The following PTH2R variants were observed in gnomAD, a reference collection of about 807,000 sequenced individuals.
The protein encoded by PTH2R is PTH2 receptor.
Under a neutral mutation model 60.3 loss-of-function variants are expected in PTH2R, and 59 were observed. The observed-to-expected ratio is 0.98, with a 90% CI of 0.79 to 1.22. The LOEUF is 1.22. Ranked by LOEUF, PTH2R falls within the 50% of genes most tolerant of loss-of-function variation. The pLI is 0.00. For synonymous variants in PTH2R, 256 were observed against 243.8 expected (o/e 1.05, Z -0.47); for missense variants, 749 against 682.6 (o/e 1.10, Z -1.08).
At chr2:208,436,831 CT>C (rs1452560847) in intron 2 of PTH2R, among the ~76,000 whole-genome samples, 3 of 151,802 alleles carry the variant, frequency 2.0e-5, no homozygotes, top group Admixed American at 6.6e-5. Context: ...TTCTTGAGAA[CT>C]ACAAAAAAAA....
chr2:208,371,280 G>A (rs1199466499), intron 1 of PTH2R, among the ~76,000 whole-genome samples: 2 of 152,136 alleles, frequency 1.3e-5, no homozygotes, highest in African/African-American at 2.4e-5. Flanking sequence ...TTATCTGACC[G>A]AAAGCAGACC....
intron 10 of PTH2R, among the ~76,000 whole-genome samples, chr2:208,482,879 G>C (rs138712837): frequency 7.9e-4 from 121 of 152,220 alleles, no homozygotes; most frequent in African/African-American, 2.9e-3. Flanking sequence ...TGCTTTTCTG[G>C]GATAGGAATC....
At chr2:208,430,129 A>C (rs879930517) in intron 2 of PTH2R, among the ~76,000 whole-genome samples, 7 of 152,100 alleles carry the variant, frequency 4.6e-5, no homozygotes, top group Admixed American at 1.3e-4. Flanking sequence ...TTATCCTAGA[A>C]ATTTTTCACA....
intron 1 of PTH2R, among the ~76,000 whole-genome samples, chr2:208,416,867 A>G (rs1701651498): frequency 6.6e-6 from 1 of 152,140 alleles, no homozygotes; most frequent in Admixed American, 6.5e-5. Context: ...CAAGTTCTTC[A>G]GTTTTGGAAC....
intron 1 of PTH2R, 130 bp from the exon 2 acceptor site, chr2:208,428,071 A>G: frequency 1.5e-6 from 1 of 651,580 alleles, no homozygotes; most frequent in East Asian, 2.8e-5. Flanking sequence ...TTTGATTCAG[A>G]TAAAGGACTA....
chr2:208,394,312 CA>C (rs1182339108), intron 1 of PTH2R, among the ~76,000 whole-genome samples: 5 of 152,218 alleles, frequency 3.3e-5, no homozygotes, highest in Non-Finnish European at 7.3e-5. Context: ...AAATATACCC[CA>C]GGGGGGTGCA....
intron 1 of PTH2R, among the ~76,000 whole-genome samples, chr2:208,367,595 C>T (rs1419912501): frequency 4.6e-5 from 7 of 152,092 alleles, no homozygotes; most frequent in African/African-American, 7.2e-5. Flanking sequence ...ATCTTGAACT[C>T]CTGACCTCAG....
At chr2:208,480,387 C>G (rs1280148185) in intron 9 of PTH2R, among the ~76,000 whole-genome samples, 1 of 152,238 alleles carries the variant, frequency 6.6e-6, no homozygotes, top group East Asian at 1.9e-4. Flanking sequence ...TGACCCCAGA[C>G]CTGGAGACAT....
intron 9 of PTH2R, chr2:208,466,538 C>T (rs947257924): frequency 2.0e-5 from 3 of 152,138 alleles, no homozygotes; most frequent in African/African-American, 7.2e-5. Context: ...GTTTCTTCAC[C>T]CCTCCAGTAG....
intron 9 of PTH2R, among the ~76,000 whole-genome samples, chr2:208,477,953 C>CACTACTACTAGTACTAGTACTACTACT (rs1703052443): frequency 3.4e-5 from 1 of 29,828 alleles, no homozygotes; most frequent in South Asian, 1.2e-3. Flanking sequence ...GTAGTACTAG[C>CACTACTACTAGTACTAGTACTACTACT]ACTACTACTA....
intron 1 of PTH2R, among the ~76,000 whole-genome samples, chr2:208,420,727 T>C (rs1701737569): frequency 6.6e-6 from 1 of 152,216 alleles, no homozygotes; most frequent in Non-Finnish European, 1.5e-5. Flanking sequence ...CTTTCATTAC[T>C]GTAGTACAAT....
At chr2:208,429,076 C>T (rs1373388254) in intron 2 of PTH2R, among the ~76,000 whole-genome samples, 1 of 95,850 alleles carries the variant, frequency 1.0e-5, no homozygotes, top group Non-Finnish European at 2.1e-5. Context: ...CAGAGCGACT[C>T]TCTGTCTCAA....
intron 2 of PTH2R, 84 bp from the exon 3 acceptor site, chr2:208,437,453 A>G: frequency 9.1e-7 from 1 of 1,104,594 alleles, no homozygotes; most frequent in Non-Finnish European, 1.3e-6. Context: ...AATGACCTAA[A>G]ATTTTGTTTT....
At chr2:208,426,848 G>C (rs1046938870) in intron 1 of PTH2R, among the ~76,000 whole-genome samples, 8 of 152,158 alleles carry the variant, frequency 5.3e-5, no homozygotes, top group Non-Finnish European at 1.2e-4. Context: ...CTTCATAGCA[G>C]TGTGAGAATG....
intron 1 of PTH2R, among the ~76,000 whole-genome samples, chr2:208,370,231 C>T (rs1021518316): frequency 3.3e-5 from 5 of 151,882 alleles, no homozygotes; most frequent in African/African-American, 1.2e-4. Context: ...ATCATGAGGT[C>T]AGGGGATCGA....
chr2:208,371,854 CCTTA>C (rs71412495), intron 1 of PTH2R, among the ~76,000 whole-genome samples: 2,725 of 152,172 alleles, frequency 0.018, 31 homozygotes, highest in Middle Eastern at 0.031. Context: ...TCCAAACTTT[CCTTA>C]CTTGTTTCCT....
In PTH2R at chr2:208,493,328, C is replaced by T. The variant is rs1353733611; in HGVS notation, c.1322C>T (p.Pro441Leu). The change falls in exon 13 of 13, where the codon CCG becomes CTG. Residue 441 changes from proline (P) to leucine (L), a missense_variant. Physicochemically the swap from Pro to Leu is moderately conservative, Grantham distance 98. Coordinates refer to ENST00000272847, the MANE Select transcript of PTH2R (RefSeq NM_005048.4). ...WNLSVDWKRTPPCGSRRCGSV... is the reference protein window; with the variant it reads ...WNLSVDWKRTLPCGSRRCGSV... ...CTCTCCGTGGACTGGAAAAGGACAC[C>T]GCCATGTGGCAGCCGCAGATGCGGC... 7 of 1,558,388 alleles carry T rather than the reference C, an allele frequency of 4.5e-6. No individual in the cohort carries two copies. The highest frequency in any genetic ancestry group is 1.9e-5 in the Admixed American group (1 of 53,088).
intron 9 of PTH2R, among the ~76,000 whole-genome samples, chr2:208,474,645 G>C (rs891585087): frequency 6.6e-6 from 1 of 152,232 alleles, no homozygotes; most frequent in Non-Finnish European, 1.5e-5. Context: ...TGTGGAGTTT[G>C]ATGGGAGTGG....
At chr2:208,487,944 G>C (rs946211044) in intron 10 of PTH2R, among the ~76,000 whole-genome samples, 5 of 152,138 alleles carry the variant, frequency 3.3e-5, no homozygotes, top group Admixed American at 1.3e-4. Flanking sequence ...TCTCAGAAGT[G>C]GGATGCTGTC....
Sources: gnomAD v4.1 joint callset for allele counts (sites outside exome capture counted in the v4.1 genomes callset) on GRCh38, gnomAD v4.1.1 for gene constraint, MANE v1.5 for transcripts, NCBI Gene and HGNC (gene_info 2026-07-23, HGNC 2026-07-21) for gene names.